Variants in ITGA2 observed in about 807,000 individuals in gnomAD.
ITGA2 encodes integrin alpha-2.
ITGA2 carries 101 observed loss-of-function variants against 146.3 expected under a neutral mutation model. The observed-to-expected ratio is 0.69, with a 90% CI of 0.59 to 0.81. The LOEUF is 0.81. ITGA2 is among the 40% of genes least tolerant of loss of function. The pLI is 0.00. For missense variants in ITGA2, 1,281 were observed against 1,402.7 expected, an observed-to-expected ratio of 0.91 and a Z score of 1.39; for synonymous variants, 477 against 487.1, an observed-to-expected ratio of 0.98 and a Z score of 0.27.
chr5:53,064,157 T>C (rs1352046234), intron 13 of ITGA2, among the ~76,000 whole-genome samples: 1 of 152,000 alleles, frequency 6.6e-6, no homozygotes, highest in Non-Finnish European at 1.5e-5. Context: ...CCTGTACCAC[T>C]ATAATTATGT....
chr5:53,009,659 TA>T (rs1742027671), intron 1 of ITGA2, among the ~76,000 whole-genome samples: 2 of 152,130 alleles, frequency 1.3e-5, no homozygotes, highest in South Asian at 4.2e-4. Flanking sequence ...CTAGATTGAT[TA>T]TATATTTTAT....
chr5:52,990,575 T>G (rs1479839644), intron 1 of ITGA2, among the ~76,000 whole-genome samples: 1 of 151,976 alleles, frequency 6.6e-6, no homozygotes, highest in Non-Finnish European at 1.5e-5. Context: ...GTGGTTTTTT[T>G]TTTTTTTTTT....
chr5:53,061,551 G>T (rs1176055177), intron 12 of ITGA2, among the ~76,000 whole-genome samples: 1 of 151,906 alleles, frequency 6.6e-6, no homozygotes. Flanking sequence ...TGGTTTTGAA[G>T]ATTCTAAAAG....
At chr5:52,992,490 C>A (rs1347127305) in intron 1 of ITGA2, among the ~76,000 whole-genome samples, 1 of 152,150 alleles carries the variant, frequency 6.6e-6, no homozygotes, top group Non-Finnish European at 1.5e-5. Flanking sequence ...CCAGAATTTT[C>A]TCCTCTATTG....
chr5:53,058,794 G>C (rs1021421865), intron 10 of ITGA2, among the ~76,000 whole-genome samples: 2 of 151,884 alleles, frequency 1.3e-5, no homozygotes, highest in Non-Finnish European at 2.9e-5. Flanking sequence ...AGAATCAAAG[G>C]AACTGACTTT....
intron 1 of ITGA2, among the ~76,000 whole-genome samples, chr5:53,011,743 G>T (rs1287728210): frequency 1.3e-5 from 2 of 151,842 alleles, no homozygotes; most frequent in African/African-American, 2.4e-5. Context: ...GAGTGGGGGG[G>T]AGTGAGGGGA....
chr5:52,992,892 C>T (rs776645527), intron 1 of ITGA2, among the ~76,000 whole-genome samples: 26 of 152,250 alleles, frequency 1.7e-4, no homozygotes, highest in African/African-American at 6.0e-4. Context: ...CACAAATACA[C>T]ATTCACACAC....
In ITGA2 at chr5:53,027,948, G is replaced by C. The variant is rs987945412; in HGVS notation, c.185+1080G>C. 3.3e-5 allele frequency among the ~76,000 whole-genome samples: 5 copies of C among 152,074 alleles called. No homozygotes were observed. In the East Asian group the frequency reaches 9.6e-4, roughly 29 times the overall value. Reference sequence around the variant, plus strand: ...ACCTGAAAATCAGCTGGATATGGAGGTGCATGCCTGCAGTCCCAGCTACTC... The same window carrying C: ...ACCTGAAAATCAGCTGGATATGGAGCTGCATGCCTGCAGTCCCAGCTACTC... On this transcript the variant is annotated intron_variant, in intron 2 of 29. Transcript: ENST00000296585.
chr5:53,034,955 C>T (rs1398609852), intron 2 of ITGA2, among the ~76,000 whole-genome samples: 1 of 152,198 alleles, frequency 6.6e-6, no homozygotes, highest in East Asian at 1.9e-4. Flanking sequence ...TTTGCTTTCA[C>T]TTAGACCCTT....
In ITGA2 at chr5:53,073,202, C is replaced by T; in HGVS notation, c.2514C>T (p.Asn838=). 3 of 1,612,516 alleles carry T rather than the reference C, an allele frequency of 1.9e-6. No individual in the cohort carries two copies. The highest frequency in any genetic ancestry group is 2.5e-6 in the Non-Finnish European group (3 of 1,178,942). Residue 838 remains asparagine, a synonymous_variant, in exon 20 of 30, where the codon AAC becomes AAT. Coordinates refer to ENST00000296585, the MANE Select transcript of ITGA2 (RefSeq NM_002203.4). ...TLKNKRESAY[N]TGIVVDFSEN... ...AAAATAAAAGGGAAAGTGCATACAA[C>T]ACTGGAATTGTTGTTGATTTTTCAG...
At chr5:53,089,252 A>G (rs1028241975) in intron 28 of ITGA2, 1 of 152,232 alleles carries the variant, frequency 6.6e-6, no homozygotes, top group African/African-American at 2.4e-5. Flanking sequence ...AATATTTTCT[A>G]AAGAGAATGC....
chr5:53,015,265 T>C (rs1742347916), intron 1 of ITGA2, among the ~76,000 whole-genome samples: 1 of 152,188 alleles, frequency 6.6e-6, no homozygotes, highest in Non-Finnish European at 1.5e-5. Context: ...ACATTGCTTT[T>C]GCTGTGTCCC....
intron 2 of ITGA2, among the ~76,000 whole-genome samples, chr5:53,030,225 A>G (rs1000442933): frequency 1.3e-5 from 2 of 152,218 alleles, no homozygotes; most frequent in African/African-American, 4.8e-5. Context: ...GACATTGTTG[A>G]AAGACAAGTA....
At position 53,075,211 on chromosome 5, in the gene ITGA2, C is replaced by A. The variant is rs753454423; in HGVS notation, c.2742-10C>A. 3.1e-6 allele frequency: 5 copies of A among 1,611,798 alleles called. No individual in the cohort carries two copies. Among genetic ancestry groups the A allele is most frequent in the Non-Finnish European group, 4.2e-6 (5 of 1,178,490 alleles). On this transcript the variant is annotated splice_polypyrimidine_tract_variant and intron_variant, in intron 22 of 29. Coordinates refer to ENST00000296585, the MANE Select transcript of ITGA2 (RefSeq NM_002203.4). ...CTCTTTAAGTAATTTCCTAATGTTT[C>A]TTTCTATAGTGAAAGCCAAGAAGAA...
chr5:53,089,194 A>G (rs185628905), intron 28 of ITGA2: 2 of 152,362 alleles, frequency 1.3e-5, no homozygotes, highest in East Asian at 3.9e-4. Flanking sequence ...TCAAGTAAAT[A>G]AAACACATAT....
At chr5:53,059,747 A>T in intron 10 of ITGA2, 127 bp from the exon 11 acceptor site, 1 of 905,186 alleles carries the variant, frequency 1.1e-6, no homozygotes, top group Non-Finnish European at 1.8e-6. Flanking sequence ...ATATGTCAAT[A>T]TATGTTCATA....
chr5:52,991,266 A>G (rs1173966640), intron 1 of ITGA2, among the ~76,000 whole-genome samples: 1 of 152,128 alleles, frequency 6.6e-6, no homozygotes, highest in Non-Finnish European at 1.5e-5. Flanking sequence ...CTCATTTGTG[A>G]TATCACTTGA....
At chr5:53,041,525 G>T (rs1391096865) in intron 2 of ITGA2, among the ~76,000 whole-genome samples, 3 of 152,102 alleles carry the variant, frequency 2.0e-5, no homozygotes, top group African/African-American at 7.2e-5. Flanking sequence ...CTCAGCAAAG[G>T]CTAGTTGTTG....
intron 18 of ITGA2, among the ~76,000 whole-genome samples, chr5:53,072,277 A>G (rs891455273): frequency 1.3e-5 from 2 of 151,870 alleles, no homozygotes; most frequent in Non-Finnish European, 2.9e-5. Flanking sequence ...GGCCTGGCCC[A>G]TTGTATGTGT....
Sources: gnomAD v4.1 joint callset for allele counts (sites outside exome capture counted in the v4.1 genomes callset) on GRCh38, gnomAD v4.1.1 for gene constraint, MANE v1.5 for transcripts, NCBI Gene and HGNC (gene_info 2026-07-23, HGNC 2026-07-21) for gene names.